CREB5: variants seen among roughly 807,000 people sequenced by gnomAD.
CREB5 encodes cAMP responsive element binding protein 5, also known as cyclic AMP-responsive element-binding protein 5.
Under a neutral mutation model 57.1 loss-of-function variants are expected in CREB5, and 19 were observed. That is an observed-to-expected ratio of 0.33 (90% CI 0.23 to 0.49). The LOEUF is 0.49. CREB5 is among the 20% of genes least tolerant of loss of function. The pLI is 0.99. For synonymous variants in CREB5, 238 were observed against 238.3 expected, an observed-to-expected ratio of 1.00 and a Z score of 0.01; for missense variants, 579 against 671.6, an observed-to-expected ratio of 0.86 and a Z score of 1.52.
chr7:28,734,227 A>C (rs1374260274), intron 7 of CREB5, among the ~76,000 whole-genome samples: 6 of 149,130 alleles, frequency 4.0e-5, no homozygotes, highest in South Asian at 2.1e-4. Flanking sequence ...AAAAAAAAAA[A>C]AAACACAAAC....
intron 7 of CREB5, among the ~76,000 whole-genome samples, chr7:28,732,390 A>G (rs778986398): frequency 8.5e-5 from 13 of 152,048 alleles, no homozygotes; most frequent in Non-Finnish European, 1.6e-4. Context: ...ATTCAGATGC[A>G]TCTGGGCAAA....
intron 1 of CREB5, among the ~76,000 whole-genome samples, chr7:28,311,076 G>A (rs1171667632): frequency 1.4e-5 from 2 of 144,110 alleles, no homozygotes; most frequent in Non-Finnish European, 3.0e-5. Context: ...GGTGGATCAC[G>A]AGGGTCAGGA....
chr7:28,363,315 C>G (rs530562408), intron 1 of CREB5, among the ~76,000 whole-genome samples: 1 of 152,208 alleles, frequency 6.6e-6, no homozygotes, highest in Admixed American at 6.5e-5. Flanking sequence ...TTCCTTTGAT[C>G]GGGCTAAATG....
At chr7:28,788,247 C>G (rs1807451336) in intron 7 of CREB5, among the ~76,000 whole-genome samples, 3 of 152,064 alleles carry the variant, frequency 2.0e-5, no homozygotes. Flanking sequence ...TCACAGCACC[C>G]TCCTCCTCCC....
intron 7 of CREB5, among the ~76,000 whole-genome samples, chr7:28,750,345 C>T (rs1804910518): frequency 6.6e-6 from 1 of 152,160 alleles, no homozygotes; most frequent in Non-Finnish European, 1.5e-5. Context: ...GGAGTTTTAT[C>T]ACAAATGTAT....
upstream of CREB5, chr7:28,412,405 C>T (rs543259565): frequency 1.3e-5 from 2 of 152,298 alleles, no homozygotes; most frequent in Non-Finnish European, 2.9e-5. Context: ...TTGAAAGTGT[C>T]CCCCCTTCTA....
At chr7:28,701,068 A>G (rs1305359804) in intron 5 of CREB5, among the ~76,000 whole-genome samples, 1 of 152,164 alleles carries the variant, frequency 6.6e-6, no homozygotes, top group Non-Finnish European at 1.5e-5. Flanking sequence ...TGAGAGAAGC[A>G]TTAAGAGCTA....
At chr7:28,567,375 A>G (rs1285570541) in intron 4 of CREB5, among the ~76,000 whole-genome samples, 1 of 152,240 alleles carries the variant, frequency 6.6e-6, no homozygotes, top group African/African-American at 2.4e-5. Context: ...AAAATTGACC[A>G]GGGAACAAAA....
Position 28,568,142 on chromosome 7 carries a change from T to C in CREB5, c.292-2223T>C, listed in dbSNP as rs113072865. Reference sequence around the variant, plus strand: ...AAGATTGGAAGAGATGAGGGACACTTAGTTAAATTTGTAGGACTTGGAAAC... The same window carrying C: ...AAGATTGGAAGAGATGAGGGACACTCAGTTAAATTTGTAGGACTTGGAAAC... On this transcript the variant is annotated intron_variant, in intron 4 of 10. Coordinates refer to ENST00000357727, the MANE Select transcript of CREB5 (RefSeq NM_182898.4). 8.2e-3 allele frequency among the ~76,000 whole-genome samples: 1,249 copies of C among 152,262 alleles called. 18 individuals are homozygous for C. Among genetic ancestry groups the C allele is most frequent in the African/African-American group, 0.029 (1,197 of 41,542 alleles).
At chr7:28,409,282 T>C (rs1209649420), upstream of CREB5, 1 of 151,678 alleles carries the variant, frequency 6.6e-6, no homozygotes, top group Non-Finnish European at 1.5e-5. This position sits in a 1 kb window ranked among gnomAD's most constrained non-coding sequence, Gnocchi z 4.4. Context: ...CGGACCGCAA[T>C]GATTTAGAAG....
At chr7:28,706,428 G>A (rs2128740627) in intron 5 of CREB5, among the ~76,000 whole-genome samples, 1 of 152,218 alleles carries the variant, frequency 6.6e-6, no homozygotes, top group Non-Finnish European at 1.5e-5. Flanking sequence ...GTATGTAGCA[G>A]GTGTATTTAT....
At chr7:28,312,115 C>T (rs79876301) in intron 1 of CREB5, among the ~76,000 whole-genome samples, 1 of 151,574 alleles carries the variant, frequency 6.6e-6, no homozygotes, top group Admixed American at 6.6e-5. Flanking sequence ...TAGCTGTTAT[C>T]AACTTGATGT....
chr7:28,656,528 C>T (rs1055349518), intron 5 of CREB5, among the ~76,000 whole-genome samples: 4 of 152,176 alleles, frequency 2.6e-5, no homozygotes, highest in South Asian at 2.1e-4. Flanking sequence ...ATAGCAGCAT[C>T]GTGTATAAAT....
At chr7:28,404,239 T>A (rs568162127) in intron 1 of CREB5, among the ~76,000 whole-genome samples, 1 of 152,292 alleles carries the variant, frequency 6.6e-6, no homozygotes, top group Non-Finnish European at 1.5e-5. Flanking sequence ...TCATTTTCAG[T>A]GTATGTGGTT....
intron 7 of CREB5, among the ~76,000 whole-genome samples, chr7:28,752,141 C>T (rs937460067): frequency 5.3e-5 from 8 of 152,154 alleles, no homozygotes; most frequent in African/African-American, 1.7e-4. Flanking sequence ...GTGTTCTCCC[C>T]TCTCAAGTTC....
intron 6 of CREB5, among the ~76,000 whole-genome samples, chr7:28,720,399 T>G (rs1302859467): frequency 6.6e-6 from 1 of 152,198 alleles, no homozygotes; most frequent in Non-Finnish European, 1.5e-5. Context: ...ATTTTACAGA[T>G]GAAAAGCTGA....
At chr7:28,602,842 C>T (rs1796975843) in intron 5 of CREB5, among the ~76,000 whole-genome samples, 1 of 152,144 alleles carries the variant, frequency 6.6e-6, no homozygotes, top group Admixed American at 6.5e-5. Flanking sequence ...ACTAAATATA[C>T]ACACTCACAA....
chr7:28,797,295 C>T lies in CREB5; in HGVS notation c.703-6904C>T, dbSNP rs575309750. ...TCCTTACTCATGAGCTAGGATGGTA[C>T]TTCATCCTGTGATACTCCTGGCATC... On this transcript the variant is annotated intron_variant, in intron 7 of 10. Transcript: ENST00000357727. Among the ~76,000 whole-genome samples the T allele has an allele frequency of 5.3e-5, 8 of 152,288 alleles. No individual in the cohort carries two copies. The South Asian group carries it at 1.5e-3, about 28-fold the overall frequency.
intron 1 of CREB5, among the ~76,000 whole-genome samples, chr7:28,445,408 T>G (rs542928884): frequency 6.6e-6 from 1 of 152,220 alleles, no homozygotes; most frequent in South Asian, 2.1e-4. Context: ...GGTTCTACAG[T>G]AGGCTGCAGA....
Sources: gnomAD v4.1 joint callset for allele counts (sites outside exome capture counted in the v4.1 genomes callset) on GRCh38, gnomAD v4.1.1 for gene constraint, Gnocchi (gnomAD v3.1) non-coding constraint, MANE v1.5 for transcripts, NCBI Gene and HGNC (gene_info 2026-07-23, HGNC 2026-07-21) for gene names.